The following FOXP1 variants were observed in gnomAD, a reference collection of about 807,000 sequenced individuals.
FOXP1 encodes the protein forkhead box P1.
A neutral mutation model predicts 98.2 loss-of-function variants in FOXP1; 15 were observed. The ratio of observed to expected loss-of-function variants is 0.15; its 90% CI spans 0.10 to 0.24. The LOEUF is 0.24. FOXP1 is among the 10% of genes least tolerant of loss of function. The pLI is 1.00. For synonymous variants in FOXP1, 371 were observed against 314.5 expected (o/e 1.18, Z -1.90); for missense variants, 633 against 848.5 (o/e 0.75, Z 3.15).
chr3:71,245,653 C>T (rs546398490), intron 5 of FOXP1, among the ~76,000 whole-genome samples: 4 of 143,146 alleles, frequency 2.8e-5, no homozygotes, highest in Admixed American at 2.3e-4. Context: ...AGAACAAGAC[C>T]GTTACCTTCA....
At chr3:71,235,297 T>G (rs2066679622) in intron 5 of FOXP1, among the ~76,000 whole-genome samples, 1 of 152,220 alleles carries the variant, frequency 6.6e-6, no homozygotes, top group African/African-American at 2.4e-5. Context: ...AGATCATCTA[T>G]ATAATAAATA....
Position 70,958,420 on chromosome 3 carries a change from C to G in FOXP1, c.*827G>C. On this transcript the variant is annotated 3_prime_UTR_variant, in exon 21 of 21. Transcript: ENST00000649528. ...GGGACCTTTTTGAAAAAGACCAAAA[C>G]GGAATGTTTTCTGACTTTAGAGAAA... is the stretch of plus-strand genomic sequence containing the variant. 4.4e-6 allele frequency: 2 copies of G among 458,998 alleles called. No individual in the cohort carries two copies. The highest frequency in any genetic ancestry group is 3.8e-5 in the South Asian group (2 of 52,352). The allele number at this position is 458,998 out of a possible 1,614,324, so 28.4% of individuals were successfully genotyped here.
chr3:71,220,128 T>C (rs532059840), intron 5 of FOXP1, among the ~76,000 whole-genome samples: 1 of 152,352 alleles, frequency 6.6e-6, no homozygotes, highest in Admixed American at 6.5e-5. Context: ...ATCATTATAC[T>C]ACATTCTAGT....
chr3:71,403,088 T>C, intron 3 of FOXP1, among the ~76,000 whole-genome samples: 1 of 152,240 alleles, frequency 6.6e-6, no homozygotes, highest in East Asian at 1.9e-4. Flanking sequence ...AGAGGAAGTT[T>C]ACTTTTTTGT....
chr3:71,204,416 C>A (rs556879481), intron 5 of FOXP1, among the ~76,000 whole-genome samples: 1 of 152,276 alleles, frequency 6.6e-6, no homozygotes, highest in East Asian at 1.9e-4. Context: ...GGATATTAAA[C>A]CAGTTCTGTA....
At chr3:71,417,634 A>G (rs1252661891) in intron 3 of FOXP1, among the ~76,000 whole-genome samples, 1 of 152,032 alleles carries the variant, frequency 6.6e-6, no homozygotes, top group Non-Finnish European at 1.5e-5. Flanking sequence ...AAAATTGACT[A>G]TATTTTATGT....
At chr3:71,103,330 A>G (rs573263995) in intron 7 of FOXP1, among the ~76,000 whole-genome samples, 8 of 152,336 alleles carry the variant, frequency 5.3e-5, no homozygotes, top group African/African-American at 1.9e-4. Flanking sequence ...TGTTCCTGCA[A>G]TGAATGTTGA....
chr3:71,332,526 G>A (rs1250531724), intron 4 of FOXP1: 1 of 155,402 alleles, frequency 6.4e-6, no homozygotes, highest in African/African-American at 2.4e-5. Flanking sequence ...TTGAGGTCAG[G>A]AGTTTGAGAC....
intron 2 of FOXP1, among the ~76,000 whole-genome samples, chr3:71,546,648 C>T (rs925888296): frequency 2.6e-5 from 4 of 151,922 alleles, no homozygotes; most frequent in Admixed American, 2.6e-4. Flanking sequence ...CATCAGGTAC[C>T]CCAATGCAGC....
Position 71,464,207 on chromosome 3 carries a change from C to T in FOXP1, c.-168+29219G>A, listed in dbSNP as rs114172704. Among the ~76,000 whole-genome samples, 473 of 152,232 alleles carry T rather than the reference C, an allele frequency of 3.1e-3. 2 individuals carry two copies. The highest frequency in any genetic ancestry group is 0.011 in the African/African-American group (457 of 41,546). ...GGGCGGATCAACTGAGCCCGGGAGA[C>T]GGAGGTTGCAGTGAGCCATAATCGT... is the stretch of plus-strand genomic sequence containing the variant. On this transcript the variant is annotated intron_variant, in intron 3 of 20. Coordinates refer to ENST00000649528, the MANE Select transcript of FOXP1 (RefSeq NM_001349338.3).
At position 71,508,552 on chromosome 3, in the gene FOXP1, G is replaced by A. The variant is rs73837395; in HGVS notation, c.-297-14997C>T. On this transcript the variant is annotated intron_variant, in intron 2 of 20. Transcript: ENST00000649528. ...AAATAGGCAGGTATGTACAGGGCTT[G>A]GATCAGGGCTCACAGATCCTGAGGG... Among the ~76,000 whole-genome samples, 899 of 152,280 alleles carry A rather than the reference G, an allele frequency of 5.9e-3. 11 individuals carry two copies. Among genetic ancestry groups the A allele is most frequent in the African/African-American group, 0.02 (851 of 41,550 alleles).
chr3:71,276,327 C>T (rs1329717154), intron 5 of FOXP1: 2 of 151,940 alleles, frequency 1.3e-5, no homozygotes, highest in Non-Finnish European at 2.9e-5. Context: ...CAGTTTTGGT[C>T]CTATAATATA....
chr3:71,125,496 T>C (rs1445342963), intron 6 of FOXP1, among the ~76,000 whole-genome samples: 1 of 152,216 alleles, frequency 6.6e-6, no homozygotes, highest in Non-Finnish European at 1.5e-5. Flanking sequence ...TGTAATGAAC[T>C]TTAGAAAGAT....
chr3:71,334,055 G>A (rs2076518021), intron 4 of FOXP1: 2 of 151,900 alleles, frequency 1.3e-5, no homozygotes, highest in South Asian at 4.2e-4. Context: ...GAGAGAGAAG[G>A]ATTTAAGGGA....
rs757909648 is a variant in FOXP1, at chr3:71,015,633, G to A, written c.890C>T (p.Pro297Leu). 1 of 1,610,944 alleles carries A rather than the reference G, an allele frequency of 6.2e-7. No individual in the cohort carries two copies. Among genetic ancestry groups the A allele is most frequent in the East Asian group, 2.2e-5 (1 of 44,814 alleles). Residue 297 changes from proline to leucine, a missense_variant, in exon 12 of 21, where the codon CCC (proline) becomes CTC (leucine). By Grantham distance (98) the Pro-to-Leu change is moderately conservative. Around this residue, in one of 6 missense-constraint regions of FOXP1, gnomAD observed 210 missense variants for 270.6 expected, o/e 0.78. Coordinates refer to ENST00000649528, the MANE Select transcript of FOXP1 (RefSeq NM_001349338.3). ...ATGTCCATAGAGAGGATGGCTATGGGGGTGCTCCTCATGGGACAAACTGAA... is the reference window on the plus strand; with the variant it reads ...ATGTCCATAGAGAGGATGGCTATGGAGGTGCTCCTCATGGGACAAACTGAA... The part of the protein sequence containing the change: ...KRESLSHEEH[P>L]HSHPLYGHGV...
At chr3:70,963,775 G>T (rs2034118618) in intron 20 of FOXP1, among the ~76,000 whole-genome samples, 1 of 152,166 alleles carries the variant, frequency 6.6e-6, no homozygotes, top group South Asian at 2.1e-4. Flanking sequence ...CAGGATAAAA[G>T]TAGAATGCCC....
intron 6 of FOXP1, among the ~76,000 whole-genome samples, chr3:71,125,691 C>G (rs975393395): frequency 6.6e-6 from 1 of 152,160 alleles, no homozygotes; most frequent in East Asian, 1.9e-4. Flanking sequence ...TAAGATGGAA[C>G]TTGAGTCTCC....
chr3:71,108,720 G>C (rs1254023583), intron 7 of FOXP1, among the ~76,000 whole-genome samples: 2 of 152,064 alleles, frequency 1.3e-5, no homozygotes, highest in Non-Finnish European at 2.9e-5. Flanking sequence ...AGCCGAGATC[G>C]CTCCACTGCA....
At chr3:71,419,815 A>T (rs959727292) in intron 3 of FOXP1, among the ~76,000 whole-genome samples, 6 of 146,796 alleles carry the variant, frequency 4.1e-5, no homozygotes, top group Non-Finnish European at 8.9e-5. Context: ...ATTTTTTTTT[A>T]TTATTATTAT....
Sources: allele counts gnomAD v4.1 joint callset (sites outside exome capture counted in the v4.1 genomes callset), GRCh38; gene constraint gnomAD v4.1.1; regional missense constraint gnomAD v4.1.1; transcripts MANE v1.5; gene names NCBI Gene and HGNC (gene_info 2026-07-23, HGNC 2026-07-21).